The following MCFD2 variants were observed in gnomAD, a reference collection of about 807,000 sequenced individuals.
MCFD2 encodes multiple coagulation factor deficiency protein 2.
A neutral mutation model predicts 12.8 loss-of-function variants in MCFD2; 11 were observed. The observed-to-expected ratio is 0.86, with a 90% confidence interval of 0.54 to 1.42. The LOEUF is 1.42. Ranked by LOEUF, MCFD2 falls within the 40% of genes most tolerant of loss-of-function variation. The pLI, the probability that MCFD2 is intolerant of heterozygous loss-of-function variation, is 0.00. For synonymous variants in MCFD2, 70 were observed against 68.1 expected (o/e 1.03, Z -0.14); for missense variants, 191 against 178.6 (o/e 1.07, Z -0.40).
chr2:46,909,439 G>T (rs771247747), intron 1 of MCFD2, among the ~76,000 whole-genome samples: 1 of 152,220 alleles, frequency 6.6e-6, no homozygotes, highest in Non-Finnish European at 1.5e-5. Flanking sequence ...AGCTTGAAGG[G>T]ACTGGAAGAT....
Position 46,930,435 on chromosome 2 carries a change from GA to G in MCFD2, c.-8+11136del, listed in dbSNP as rs56691862. On this transcript the variant is annotated intron_variant, in intron 1 of 2. Coordinates refer to the MCFD2 transcript ENST00000409147. ...AAAGCTAGATGAAACGTATTCCTAG[GA>G]AAAAAAAAAAAAACTTACCAAAAAT... Among the ~76,000 whole-genome samples, 215 of 120,304 alleles carry G rather than the reference GA, an allele frequency of 1.8e-3. 2 individuals are homozygous for G. The highest frequency in any genetic ancestry group is 2.1e-3 in the African/African-American group (68 of 33,052). 78.9% of individuals were successfully genotyped at this position (120,304 alleles called of 152,430 possible). A position where few individuals can be genotyped will look rare whatever the true frequency, so the allele number is the denominator to read the frequency against.
chr2:46,905,618 G>C (rs778132187), intron 3 of MCFD2, 24 bp from the exon 4 acceptor site: 3 of 1,534,072 alleles, frequency 2.0e-6, no homozygotes, highest in Non-Finnish European at 2.7e-6. Flanking sequence ...ATTAGACAAT[G>C]ATGAGTTGCG....
chr2:46,941,759 G>C lies in MCFD2; in HGVS notation c.-195C>G. On this transcript the variant is annotated 5_prime_UTR_variant, in exon 1 of 3. Transcript: ENST00000409147. The surrounding 1 kb of genome is among the most constrained non-coding windows in gnomAD (Gnocchi z 4.2). ...GGGAAGAGGCTGGCTCGCCGGCAGC[G>C]AGCGCGCGAAACGCACCGCCTCCTC... The C allele has an allele frequency of 6.5e-7, 1 of 1,546,864 alleles. No homozygotes were observed. The highest frequency in any genetic ancestry group is 8.7e-7 in the Non-Finnish European group (1 of 1,145,612).
intron 1 of MCFD2, among the ~76,000 whole-genome samples, chr2:46,939,593 C>T (rs930414071): frequency 6.6e-6 from 1 of 152,076 alleles, no homozygotes; most frequent in Non-Finnish European, 1.5e-5. Context: ...GCAGGGCTGG[C>T]AAAGGACTAG....
rs1670020027 is a variant in MCFD2, at chr2:46,937,148, G to A, written c.-8+4424C>T. Among the ~76,000 whole-genome samples the A allele has an allele frequency of 6.6e-6, 1 of 152,032 alleles. No individual in the cohort carries two copies. The highest frequency in any genetic ancestry group is 1.5e-5 in the Non-Finnish European group (1 of 68,010). On this transcript the variant is annotated intron_variant, in intron 1 of 2. Coordinates refer to the MCFD2 transcript ENST00000409147. This position sits in a 1 kb window ranked among gnomAD's most constrained non-coding sequence, Gnocchi z 4.0. ...TAGGATTACAGGAGTGAGCCACCAT[G>A]CCCAACCCCAAAAATTACTTCCTTA...
chr2:46,929,322 A>G (rs926225144), intron 1 of MCFD2, among the ~76,000 whole-genome samples: 2 of 152,102 alleles, frequency 1.3e-5, no homozygotes, highest in Admixed American at 6.6e-5. Context: ...CCATGTCTAT[A>G]GGAAAAATTT....
At chr2:46,932,099 A>T (rs2103844526) in intron 1 of MCFD2, among the ~76,000 whole-genome samples, 1 of 152,336 alleles carries the variant, frequency 6.6e-6, no homozygotes, top group South Asian at 2.1e-4. Context: ...GAATAGAAAA[A>T]ACTTCCTAAA....
intron 1 of MCFD2, among the ~76,000 whole-genome samples, chr2:46,924,260 C>T (rs1477182812): frequency 6.6e-6 from 1 of 151,698 alleles, no homozygotes; most frequent in Non-Finnish European, 1.5e-5. Context: ...CTCAAAGTCC[C>T]TGTAAACCAG....
At chr2:46,928,459 TAAAAAAA>T (rs35897582) in intron 1 of MCFD2, among the ~76,000 whole-genome samples, 2,303 of 82,006 alleles carry the variant, frequency 0.028, 57 homozygotes, top group African/African-American at 0.084. Context: ...AAAGGGAAAT[TAAAAAAA>T]AAAAAAAAAA....
chr2:46,921,592 C>A (rs767794393), intron 1 of MCFD2, among the ~76,000 whole-genome samples: 1 of 152,164 alleles, frequency 6.6e-6, no homozygotes, highest in Non-Finnish European at 1.5e-5. Context: ...ATGATATGCT[C>A]ACTTTAAAGA....
Position 46,902,094 on chromosome 2 carries a change from C to G in MCFD2, c.*3369G>C, listed in dbSNP as rs1668036668. ...CGACAAATTTTGTAGTCTCTTTTTCCCATTCAATCATCGTTTCAGGTTTTC... is the reference window on the plus strand; with the variant it reads ...CGACAAATTTTGTAGTCTCTTTTTCGCATTCAATCATCGTTTCAGGTTTTC... On this transcript the variant is annotated 3_prime_UTR_variant, in exon 4 of 4. Coordinates refer to ENST00000319466, the MANE Select transcript of MCFD2 (RefSeq NM_139279.6). 1 of 152,500 alleles carries G rather than the reference C, an allele frequency of 6.6e-6. No homozygotes were observed. Among genetic ancestry groups the G allele is most frequent in the Non-Finnish European group, 1.5e-5 (1 of 68,020 alleles). The allele number at this position is 152,500 out of a possible 1,614,324, so 9.4% of individuals were successfully genotyped here. A position where few individuals can be genotyped will look rare whatever the true frequency, so the allele number is the denominator to read the frequency against.
intron 1 of MCFD2, among the ~76,000 whole-genome samples, chr2:46,926,970 T>A (rs552115874): frequency 1.4e-5 from 2 of 145,802 alleles, no homozygotes; most frequent in South Asian, 2.1e-4. Flanking sequence ...CAGAAAAATA[T>A]AACGGATAGA....
chr2:46,932,877 A>G (rs13398851), intron 1 of MCFD2, among the ~76,000 whole-genome samples: 25,047 of 148,646 alleles, frequency 0.17, 2,531 homozygotes, highest in African/African-American at 0.28. Flanking sequence ...CTCCAGCCTG[A>G]GCAACAGAGT....
chr2:46,939,072 T>C (rs1029942948), intron 1 of MCFD2, among the ~76,000 whole-genome samples: 4 of 150,796 alleles, frequency 2.7e-5, no homozygotes, highest in African/African-American at 9.7e-5. Flanking sequence ...AGCTGGGAGT[T>C]TAAGACCAGC....
intron 3 of MCFD2, 79 bp from the exon 4 acceptor site, chr2:46,905,673 G>GAAAGAACATGGATA: frequency 1.5e-6 from 1 of 658,182 alleles, no homozygotes; most frequent in South Asian, 1.4e-5. Flanking sequence ...AAATATCCAT[G>GAAAGAACATGGATA]TTCTTTCATG....
At position 46,901,916 on chromosome 2, in the gene MCFD2, C is replaced by CAT. The variant is rs760699052; in HGVS notation, c.*3545_*3546dup. ...TATTGGTCATATATCCAGAATTCAT[C>CAT]ATATATAAATCTTTCAAAATAATGA... On this transcript the variant is annotated 3_prime_UTR_variant, in exon 4 of 4. Transcript: ENST00000319466. The surrounding 1 kb of genome is among the most constrained non-coding windows in gnomAD (Gnocchi z 4.3). 1.3e-5 allele frequency: 2 copies of CAT among 152,632 alleles called. No homozygotes were observed. Among genetic ancestry groups the CAT allele is most frequent in the African/African-American group, 4.8e-5 (2 of 41,446 alleles). 9.5% of individuals were successfully genotyped at this position (152,632 alleles called of 1,614,324 possible). A position where few individuals can be genotyped will look rare whatever the true frequency, so the allele number is the denominator to read the frequency against.
intron 1 of MCFD2, among the ~76,000 whole-genome samples, chr2:46,923,031 G>C (rs1669186486): frequency 6.6e-6 from 1 of 152,198 alleles, no homozygotes. Flanking sequence ...CAGATGAAGA[G>C]ATACATAGGG....
upstream of MCFD2, chr2:46,916,063 C>T (rs1668769757): frequency 1.0e-6 from 1 of 985,432 alleles, no homozygotes. Flanking sequence ...TAGGCAACGC[C>T]GGAAGCCCTC....
At chr2:46,916,035 T>G (rs182467792), upstream of MCFD2, 90 of 985,396 alleles carry the variant, frequency 9.1e-5, 1 homozygote, top group African/African-American at 1.4e-3. Flanking sequence ...CTGGACGCCC[T>G]AGGGGCCCGG....
Sources: gnomAD v4.1 joint callset for allele counts (sites outside exome capture counted in the v4.1 genomes callset) on GRCh38, gnomAD v4.1.1 for gene constraint, Gnocchi (gnomAD v3.1) non-coding constraint, MANE v1.5 for transcripts, NCBI Gene and HGNC (gene_info 2026-07-23, HGNC 2026-07-21) for gene names.